The following TRMT10B variants were observed in gnomAD, a reference collection of about 807,000 sequenced individuals.
TRMT10B encodes the protein tRNA methyltransferase 10 homolog B.
TRMT10B carries 33 observed loss-of-function variants against 43.8 expected under a neutral mutation model. That is an observed-to-expected ratio of 0.75 (90% CI 0.57 to 1.01). The LOEUF (loss-of-function observed/expected upper bound fraction) is 1.01. TRMT10B is among the 50% of genes least tolerant of loss of function. The pLI is 0.00. For missense variants in TRMT10B, 362 were observed against 369.8 expected, an observed-to-expected ratio of 0.98 and a Z score of 0.17; for synonymous variants, 137 against 130.6, an observed-to-expected ratio of 1.05 and a Z score of -0.34.
At chr9:37,772,009 A>C (rs576539384) in intron 7 of TRMT10B, among the ~76,000 whole-genome samples, 1 of 151,870 alleles carries the variant, frequency 6.6e-6, no homozygotes, top group East Asian at 1.9e-4. Context: ...ACACCTAGCT[A>C]GTTTTTAATT....
intron 7 of TRMT10B, among the ~76,000 whole-genome samples, chr9:37,771,606 A>C (rs1208008310): frequency 6.6e-6 from 1 of 152,266 alleles, no homozygotes; most frequent in Non-Finnish European, 1.5e-5. Context: ...TTACAGAAGA[A>C]TGCAGCTAAT....
chr9:37,776,228 GAAT>G (rs1828126850), intron 7 of TRMT10B, 51 bp from the exon 8 acceptor site: 2 of 1,346,014 alleles, frequency 1.5e-6, no homozygotes, highest in Admixed American at 6.4e-5. Flanking sequence ...ATTACATTGA[GAAT>G]ATACTCATGT....
chr9:37,756,959 A>C (rs1825792271), intron 1 of TRMT10B, among the ~76,000 whole-genome samples: 1 of 151,182 alleles, frequency 6.6e-6, no homozygotes, highest in Non-Finnish European at 1.5e-5. Flanking sequence ...GCCTGAGGCC[A>C]GGAGTTCGAT....
rs1014491936 is a variant in TRMT10B at position 37,764,364 on chromosome 9, G to A, written c.420+611G>A. Among the ~76,000 whole-genome samples, 79 of 139,638 alleles carry A rather than the reference G, an allele frequency of 5.7e-4. 2 individuals carry two copies. Among genetic ancestry groups the A allele is most frequent in the Admixed American group, 9.9e-4 (13 of 13,142 alleles). The allele number at this position is 139,638 out of a possible 152,430, so 91.6% of individuals were successfully genotyped here. A position where few individuals can be genotyped will look rare whatever the true frequency, so the allele number is the denominator to read the frequency against. ...GGAGACAGAGTCTCACTCTGTTGCC[G>A]GGGCTGGAGTGCAGTGGTGCAATCT... On this transcript the variant is annotated intron_variant, in intron 4 of 8. Transcript: ENST00000297994.
intron 8 of TRMT10B, among the ~76,000 whole-genome samples, chr9:37,776,759 C>T (rs879782363): frequency 7.3e-5 from 11 of 151,686 alleles, no homozygotes; most frequent in Non-Finnish European, 8.8e-5. Context: ...ATCAGTCAGG[C>T]GTGGTGGTGC....
At chr9:37,753,577 G>A (rs78591290), upstream of TRMT10B, among the ~76,000 whole-genome samples, 21,588 of 152,120 alleles carry the variant, frequency 0.14, 1,612 homozygotes, top group Non-Finnish European at 0.16. Context: ...CTGTGAAGTT[G>A]GTAAAGGGTT....
At chr9:37,765,074 A>T (rs1401975155) in intron 4 of TRMT10B, among the ~76,000 whole-genome samples, 1 of 152,116 alleles carries the variant, frequency 6.6e-6, no homozygotes, top group Non-Finnish European at 1.5e-5. Flanking sequence ...AGGGATAAAG[A>T]GATTATGCCT....
intron 1 of TRMT10B, among the ~76,000 whole-genome samples, chr9:37,754,293 T>A (rs919104521): frequency 6.6e-6 from 1 of 152,118 alleles, no homozygotes; most frequent in East Asian, 1.9e-4. Context: ...TGGATAGTAA[T>A]ATGAATGAGG....
rs1222428936 is a variant in TRMT10B at position 37,777,848 on chromosome 9, T to C, written c.*141T>C. On this transcript the variant is annotated 3_prime_UTR_variant, in exon 9 of 9. Transcript: ENST00000297994. ...TGGTGAAACCCTTCTCTACTGAAAA[T>C]ACAAAAATTAGCCAGGTGTGGTGGC... 3.4e-6 allele frequency: 2 copies of C among 595,862 alleles called. No individual in the cohort carries two copies. The highest frequency in any genetic ancestry group is 2.9e-5 in the Admixed American group (1 of 34,302). The allele number at this position is 595,862 out of a possible 1,614,324, so 36.9% of individuals were successfully genotyped here.
chr9:37,768,257 T>C (rs1182571815), intron 5 of TRMT10B, 29 bp downstream of exon 5: 2 of 1,580,588 alleles, frequency 1.3e-6, no homozygotes, highest in Non-Finnish European at 1.7e-6. Flanking sequence ...ATTATTTGAA[T>C]TGTCATCTGA....
intron 5 of TRMT10B, 61 bp downstream of exon 5, chr9:37,768,289 ATTT>A: frequency 7.2e-7 from 1 of 1,380,066 alleles, no homozygotes; most frequent in Non-Finnish European, 9.8e-7. Flanking sequence ...GGTTAATAGT[ATTT>A]TTTTTTTACT....
chr9:37,767,833 T>G (rs1252695426), intron 4 of TRMT10B, among the ~76,000 whole-genome samples: 1 of 152,164 alleles, frequency 6.6e-6, no homozygotes, highest in Non-Finnish European at 1.5e-5. Context: ...TATTAAACAT[T>G]TAACAGCAGG....
chr9:37,766,608 C>T (rs139225686), intron 4 of TRMT10B, among the ~76,000 whole-genome samples: 2,243 of 152,272 alleles, frequency 0.015, 49 homozygotes, highest in African/African-American at 0.048. Flanking sequence ...TTTTCCAAGT[C>T]TGTGAAGAAA....
At position 37,770,894 on chromosome 9, in the gene TRMT10B, A is replaced by G; in HGVS notation, c.720+155A>G. On this transcript the variant is annotated intron_variant, in intron 7 of 8. Coordinates refer to ENST00000297994, the MANE Select transcript of TRMT10B (RefSeq NM_144964.4). ...ACCAGGTTGGCCCTCTGGCTGGTGAAGTTCCCTCTCTCCTCATGAGCAATG... is the reference window on the plus strand; with the variant it reads ...ACCAGGTTGGCCCTCTGGCTGGTGAGGTTCCCTCTCTCCTCATGAGCAATG... 9.2e-6 allele frequency: 6 copies of G among 651,352 alleles called. No individual in the cohort carries two copies. In the East Asian group the frequency reaches 1.8e-4, roughly 20 times the overall value. The allele number at this position is 651,352 out of a possible 1,614,324, so 40.3% of individuals were successfully genotyped here.
rs944898341 is a variant in TRMT10B at position 37,777,756 on chromosome 9, A to C, written c.*49A>C. The C allele has an allele frequency of 1.3e-6, 2 of 1,508,776 alleles. No individual in the cohort carries two copies. The highest frequency in any genetic ancestry group is 1.4e-5 in the African/African-American group (1 of 72,558). The allele number at this position is 1,508,776 out of a possible 1,614,324, so 93.5% of individuals were successfully genotyped here. The stretch of plus-strand genomic sequence containing the variant: ...GGCCAGGTGCTCACGCCGTAATGCC[A>C]ACACTTTGGTAGACCGAAGTGGGCA... On this transcript the variant is annotated 3_prime_UTR_variant, in exon 9 of 9. Coordinates refer to ENST00000297994, the MANE Select transcript of TRMT10B (RefSeq NM_144964.4).
rs1298007948 is a variant in TRMT10B, at chr9:37,763,720, C to T, written c.387C>T (p.Ile129=). ...AACACTCAGGACCAAGACTATGTAT[C>T]GATTTGAGTATGACCCACTACATGT... ...EAKHSGPRLC[I]DLSMTHYMSK... Residue 129 remains isoleucine, a synonymous_variant, in exon 4 of 9, where the codon ATC becomes ATT. Coordinates refer to ENST00000297994, the MANE Select transcript of TRMT10B (RefSeq NM_144964.4). The T allele has an allele frequency of 4.3e-6, 7 of 1,613,934 alleles. No individual in the cohort carries two copies. Among genetic ancestry groups the T allele is most frequent in the Admixed American group, 3.3e-5 (2 of 59,980 alleles).
At chr9:37,756,777 TATGTGTATACATAC>T (rs1427147232) in intron 1 of TRMT10B, among the ~76,000 whole-genome samples, 1 of 150,792 alleles carries the variant, frequency 6.6e-6, no homozygotes, top group Non-Finnish European at 1.5e-5. Flanking sequence ...CATATATACA[TATGTGTATACATAC>T]ATGTGTATGT....
At chr9:37,771,759 T>C (rs1020720561) in intron 7 of TRMT10B, among the ~76,000 whole-genome samples, 1 of 152,228 alleles carries the variant, frequency 6.6e-6, no homozygotes, top group Non-Finnish European at 1.5e-5. Context: ...GGCAAAGATT[T>C]AACATTACAG....
At chr9:37,768,622 CCTCT>C (rs1237672216) in intron 5 of TRMT10B, among the ~76,000 whole-genome samples, 2 of 152,186 alleles carry the variant, frequency 1.3e-5, no homozygotes, top group African/African-American at 4.8e-5. Flanking sequence ...GTACTTTTCA[CCTCT>C]CTCTAGGATC....
Sources: gnomAD v4.1 joint callset for allele counts (sites outside exome capture counted in the v4.1 genomes callset) on GRCh38, gnomAD v4.1.1 for gene constraint, MANE v1.5 for transcripts, NCBI Gene and HGNC (gene_info 2026-07-23, HGNC 2026-07-21) for gene names.